Variants in ZBTB46 observed in about 807,000 individuals in gnomAD.
ZBTB46 encodes the protein zinc finger and BTB domain containing 46, also known as zinc finger and BTB domain-containing protein 46.
ZBTB46 carries 8 observed loss-of-function variants against 44.1 expected under a neutral mutation model. The observed-to-expected ratio is 0.18, with a 90% CI of 0.11 to 0.33. The LOEUF is 0.33. Ranked by LOEUF, ZBTB46 falls within the 10% of genes least tolerant of loss-of-function variation. The pLI is 1.00. For synonymous variants in ZBTB46, 409 were observed against 382.3 expected (o/e 1.07, Z -0.81); for missense variants, 651 against 847.7 (o/e 0.77, Z 2.88).
chr20:63,767,726 T>C lies in ZBTB46; in HGVS notation c.1222+7952A>G, dbSNP rs1285057014. Among the ~76,000 whole-genome samples, 1 of 152,254 alleles carries C rather than the reference T, an allele frequency of 6.6e-6. No individual in the cohort carries two copies. Among genetic ancestry groups the C allele is most frequent in the Admixed American group, 6.5e-5 (1 of 15,288 alleles). The stretch of plus-strand genomic sequence containing the variant: ...GCTGTCACTTGCTTCACAGAGCTCC[T>C]TAGCTGGCCTCAGGGTAAAGCTGTC... On this transcript the variant is annotated intron_variant, in intron 3 of 4. Transcript: ENST00000245663. This position sits in a 1 kb window ranked among gnomAD's most constrained non-coding sequence, Gnocchi z 5.0.
chr20:63,771,949 A>G (rs1162729960), intron 3 of ZBTB46, among the ~76,000 whole-genome samples: 1 of 152,018 alleles, frequency 6.6e-6, no homozygotes, highest in Non-Finnish European at 1.5e-5. Flanking sequence ...CCGACAGGCG[A>G]AGGATGCTGA....
chr20:63,795,385 T>C (rs570249839), intron 1 of ZBTB46, among the ~76,000 whole-genome samples: 2 of 152,324 alleles, frequency 1.3e-5, no homozygotes, highest in South Asian at 2.1e-4. Flanking sequence ...AGTTACACCG[T>C]GCAGGCTCTG....
chr20:63,768,572 A>T (rs1304762831), intron 3 of ZBTB46, among the ~76,000 whole-genome samples: 3 of 151,846 alleles, frequency 2.0e-5, no homozygotes, highest in Non-Finnish European at 4.4e-5. Flanking sequence ...GCACCACTGC[A>T]CTCCAGCCTG....
chr20:63,775,549 C>T, intron 3 of ZBTB46, 129 bp downstream of exon 3: 1 of 1,250,894 alleles, frequency 8.0e-7, no homozygotes, highest in South Asian at 1.6e-5. Flanking sequence ...CCTCCCGCAA[C>T]AGGGAGGTCA....
intron 1 of ZBTB46, among the ~76,000 whole-genome samples, chr20:63,825,506 C>G (rs2092815273): frequency 1.3e-5 from 2 of 151,858 alleles, no homozygotes; most frequent in African/African-American, 4.8e-5. Context: ...ACAAACAGCC[C>G]TGGGCACTTT....
At chr20:63,798,685 A>AAAAAAAAAAC (rs1417351365) in intron 1 of ZBTB46, among the ~76,000 whole-genome samples, 1 of 127,886 alleles carries the variant, frequency 7.8e-6, no homozygotes, top group Non-Finnish European at 1.7e-5. Context: ...AAAAAAAAAA[A>AAAAAAAAAAC]AAAAAAAATT....
chr20:63,764,458 A>G (rs2092301770), intron 3 of ZBTB46, among the ~76,000 whole-genome samples: 1 of 151,818 alleles, frequency 6.6e-6, no homozygotes. Flanking sequence ...AATTGTGATG[A>G]ATATTTTTGT....
chr20:63,763,955 CTTTCTTT>C (rs1376491329), intron 3 of ZBTB46, among the ~76,000 whole-genome samples: 1 of 152,032 alleles, frequency 6.6e-6, no homozygotes, highest in Non-Finnish European at 1.5e-5. Context: ...TTATCTGGTG[CTTTCTTT>C]TTTCTTTTTC....
intron 3 of ZBTB46, among the ~76,000 whole-genome samples, chr20:63,774,724 G>A (rs1452574022): frequency 2.2e-5 from 3 of 136,926 alleles, no homozygotes; most frequent in African/African-American, 8.0e-5. Flanking sequence ...TTTTTTTTGA[G>A]ACAGAGTCTC....
intron 3 of ZBTB46, 147 bp from the exon 4 acceptor site, chr20:63,753,008 G>A: frequency 1.2e-6 from 1 of 814,260 alleles, no homozygotes; most frequent in Non-Finnish European, 1.8e-6. Context: ...CACTGCGACA[G>A]GCCAGGCTCC....
Position 63,743,772 on chromosome 20 carries a change from T to A in ZBTB46, c.*3158A>T, listed in dbSNP as rs528293610. 1 of 152,526 alleles carries A rather than the reference T, an allele frequency of 6.6e-6. No homozygotes were observed. Among genetic ancestry groups the A allele is most frequent in the African/African-American group, 2.4e-5 (1 of 41,544 alleles). The allele number at this position is 152,526 out of a possible 1,614,324, so 9.4% of individuals were successfully genotyped here. On this transcript the variant is annotated 3_prime_UTR_variant, in exon 5 of 5. Transcript: ENST00000245663. ...ACGCACAGGCGCCTAGGCAGAAACT[T>A]GGAGACTCACCGCAGAGGCCACGTG... is the stretch of plus-strand genomic sequence containing the variant.
At chr20:63,772,972 G>A (rs1285613765) in intron 3 of ZBTB46, among the ~76,000 whole-genome samples, 1 of 152,222 alleles carries the variant, frequency 6.6e-6, no homozygotes, top group Admixed American at 6.5e-5. Context: ...AAAGCCCCGA[G>A]GAAGGGGAGA....
intron 1 of ZBTB46, among the ~76,000 whole-genome samples, chr20:63,807,672 G>C (rs1050135909): frequency 6.6e-6 from 1 of 152,210 alleles, no homozygotes; most frequent in Non-Finnish European, 1.5e-5. Context: ...TTAACATTTT[G>C]CCGCATTTGT....
rs540258507 is a variant in ZBTB46, at chr20:63,789,248, G to T, written c.937+573C>A. Among the ~76,000 whole-genome samples the T allele has an allele frequency of 6.6e-4, 101 of 152,328 alleles. 1 individual carries two copies. In the South Asian group the frequency reaches 0.011, roughly 17 times the overall value. On this transcript the variant is annotated intron_variant, in intron 2 of 4. Coordinates refer to ENST00000245663, the MANE Select transcript of ZBTB46 (RefSeq NM_001369741.1). ...TGCCGGGAAAGGCTGCTTCTTGGCT[G>T]TAACCTCTCAGGTCCCCAGGTCAAG...
intron 1 of ZBTB46, among the ~76,000 whole-genome samples, chr20:63,798,492 T>C (rs150589984): frequency 0.02 from 3,028 of 151,670 alleles, 57 homozygotes; most frequent in Non-Finnish European, 0.034. Flanking sequence ...CTGGCCAACA[T>C]GGTCAAACCC....
intron 3 of ZBTB46, among the ~76,000 whole-genome samples, chr20:63,774,412 C>G (rs962080995): frequency 2.6e-5 from 4 of 152,264 alleles, no homozygotes; most frequent in Admixed American, 6.5e-5. Context: ...ATCCCAGCAT[C>G]AAGGACAGCT....
At chr20:63,812,662 C>G (rs1169804973) in intron 1 of ZBTB46, among the ~76,000 whole-genome samples, 1 of 152,130 alleles carries the variant, frequency 6.6e-6, no homozygotes, top group Non-Finnish European at 1.5e-5. Flanking sequence ...GCCTGTAATC[C>G]CAACTACTCG....
intron 1 of ZBTB46, among the ~76,000 whole-genome samples, chr20:63,819,880 C>G (rs56902471): frequency 6.6e-6 from 1 of 152,046 alleles, no homozygotes; most frequent in African/African-American, 2.4e-5. Flanking sequence ...TAATGATTTC[C>G]GAAAAGTTCT....
At chr20:63,792,402 C>G (rs1261928095) in intron 1 of ZBTB46, among the ~76,000 whole-genome samples, 1 of 145,540 alleles carries the variant, frequency 6.9e-6, no homozygotes, top group Admixed American at 6.9e-5. Flanking sequence ...AAGGAGCCCC[C>G]ACATGCAGCC....
Sources: allele counts gnomAD v4.1 joint callset (sites outside exome capture counted in the v4.1 genomes callset), GRCh38; gene constraint gnomAD v4.1.1; non-coding constraint Gnocchi (gnomAD v3.1); transcripts MANE v1.5; gene names NCBI Gene and HGNC (gene_info 2026-07-23, HGNC 2026-07-21).